The following IGSF10 variants were observed in gnomAD, a reference collection of about 807,000 sequenced individuals.
The protein encoded by IGSF10 is calvaria mechanical force protein 608.
A neutral mutation model predicts 128.2 loss-of-function variants in IGSF10; 126 were observed. The ratio of observed to expected loss-of-function variants is 0.98; its 90% CI spans 0.85 to 1.14. IGSF10 has a LOEUF of 1.14. Among genes scored for constraint, IGSF10 ranks in the 50% most tolerant of loss-of-function variants. The pLI, the probability that IGSF10 is intolerant of heterozygous loss-of-function variation, is 0.00. For missense variants in IGSF10, 3,295 were observed against 3,149.8 expected, an observed-to-expected ratio of 1.05 and a Z score of -1.10; for synonymous variants, 1,185 against 1,146.2, an observed-to-expected ratio of 1.03 and a Z score of -0.68.
chr3:151,452,347 T>C (rs141015129), intron 5 of IGSF10, among the ~76,000 whole-genome samples: 1 of 152,358 alleles, frequency 6.6e-6, no homozygotes, highest in East Asian at 1.9e-4. Flanking sequence ...TAAAGCCTAC[T>C]GCTCCTAGGC....
At chr3:151,515,429 T>G in the IGSF10 span, among the ~76,000 whole-genome samples, 186 of 121,234 alleles carry the variant, frequency 1.5e-3, 2 homozygotes, top group African/African-American at 5.6e-3. Flanking sequence ...TGAGAACACA[T>G]GGACACAGGA....
intron 7 of IGSF10, among the ~76,000 whole-genome samples, chr3:151,438,863 T>TAG (rs139777315): frequency 0.2 from 26,836 of 131,030 alleles, 2,735 homozygotes; most frequent in Middle Eastern, 0.31. Context: ...TATATATATA[T>TAG]ATAGAGAGAG....
chr3:151,573,336 T>A, the IGSF10 span, among the ~76,000 whole-genome samples: 1 of 152,192 alleles, frequency 6.6e-6, no homozygotes, highest in Non-Finnish European at 1.5e-5. Context: ...GGTATTAAAG[T>A]CTCGCATTAT....
Position 151,446,135 on chromosome 3 carries a change from A to T in IGSF10, c.3846T>A (p.Ser1282Arg). 1 of 1,614,130 alleles carries T rather than the reference A, an allele frequency of 6.2e-7. No individual in the cohort carries two copies. Among genetic ancestry groups the T allele is most frequent in the Non-Finnish European group, 8.5e-7 (1 of 1,180,026 alleles). The change falls in exon 6 of 8, where the codon AGT (serine) becomes AGA (arginine). Residue 1282 changes from serine (S) to arginine (R), a missense_variant. By Grantham distance (110) the Ser-to-Arg change is moderately radical. Transcript: ENST00000282466. The part of the protein sequence containing the change: ...HTTTKTHNPG[S>R]LPTKKELPFP... ...AGGGAAGCTCCTTCTTTGTTGGAAGACTTCCAGGATTGTGTGTTTTGGTCG... is the reference window on the plus strand; with the variant it reads ...AGGGAAGCTCCTTCTTTGTTGGAAGTCTTCCAGGATTGTGTGTTTTGGTCG...
Position 151,447,092 on chromosome 3 carries a change from T to C in IGSF10, c.2889A>G (p.Glu963=), listed in dbSNP as rs1285929289. ...GAGAATAGAAGTGATTGTGCCTGGG[T>C]TCACTCACTTCTCTTACAGATGTCT... is the stretch of plus-strand genomic sequence containing the variant. ...SHQTSVREVS[E]PRHNHFYSHT... The change falls in exon 6 of 8, where the codon GAA becomes GAG. Residue 963 remains glutamate (E), a synonymous_variant. Transcript: ENST00000282466. 2 of 1,614,182 alleles carry C rather than the reference T, an allele frequency of 1.2e-6. No homozygotes were observed. Among genetic ancestry groups the C allele is most frequent in the Non-Finnish European group, 1.7e-6 (2 of 1,180,028 alleles).
chr3:151,440,845 T>C (rs1359895879), intron 7 of IGSF10: 1 of 292,950 alleles, frequency 3.4e-6, no homozygotes, highest in Non-Finnish European at 7.0e-6. Flanking sequence ...GGGTTCTCAA[T>C]GAAGATCCCT....
In IGSF10 at chr3:151,461,017, C is replaced by G; in HGVS notation, c.-160G>C. On this transcript the variant is annotated 5_prime_UTR_variant, in exon 1 of 8. Transcript: ENST00000282466. ...CCGGGCTCGGTCCCGGGCTCAGCTG[C>G]TGGGGTCGTGCGGAGCTGGTCCGGA... The G allele has an allele frequency of 1.0e-6, 1 of 985,348 alleles. No homozygotes were observed. 61.0% of individuals were successfully genotyped at this position (985,348 alleles called of 1,614,324 possible).
chr3:151,503,567 G>C, the IGSF10 span, among the ~76,000 whole-genome samples: 2 of 145,284 alleles, frequency 1.4e-5, no homozygotes, highest in African/African-American at 5.4e-5. Context: ...ATGCAGCATA[G>C]AGAGACAAAA....
chr3:151,560,639 A>G, the IGSF10 span, among the ~76,000 whole-genome samples: 1 of 152,250 alleles, frequency 6.6e-6, no homozygotes. Flanking sequence ...ATTTATAAAC[A>G]CAAACTAATA....
chr3:151,449,015 A>ATCTG lies in IGSF10; in HGVS notation c.962_965dup (p.Gln323ArgfsTer6). ...CCATGTTAGCTTCATTTCCAGACTG[A>ATCTG]TCTGTCATATTCAAAGTGAGGGAGC... On this transcript the variant is annotated frameshift_variant, in exon 6 of 8. Coordinates refer to ENST00000282466, the MANE Select transcript of IGSF10 (RefSeq NM_178822.5). LOFTEE classifies it high-confidence loss of function. The ATCTG allele has an allele frequency of 1.9e-6, 3 of 1,614,226 alleles. No homozygotes were observed. Among genetic ancestry groups the ATCTG allele is most frequent in the Non-Finnish European group, 2.5e-6 (3 of 1,180,032 alleles).
intron 2 of IGSF10, 72 bp from the exon 3 acceptor site, chr3:151,458,782 C>T: frequency 8.0e-7 from 1 of 1,256,538 alleles, no homozygotes. Context: ...CACACTCACT[C>T]TGGGAATCTG....
At chr3:151,455,383 G>T in intron 4 of IGSF10, among the ~76,000 whole-genome samples, 1 of 151,990 alleles carries the variant, frequency 6.6e-6, no homozygotes, top group Non-Finnish European at 1.5e-5. Context: ...AAAGTTCTGG[G>T]GTTACAGGTG....
chr3:151,495,030 C>G, the IGSF10 span, among the ~76,000 whole-genome samples: 1 of 152,228 alleles, frequency 6.6e-6, no homozygotes, highest in African/African-American at 2.4e-5. Flanking sequence ...TGAACATTCT[C>G]CTGGTCTGGT....
At chr3:151,479,464 C>A in the IGSF10 span, among the ~76,000 whole-genome samples, 5 of 151,764 alleles carry the variant, frequency 3.3e-5, no homozygotes, top group Non-Finnish European at 7.4e-5. Context: ...TTTAATATTT[C>A]TTTGATGGAC....
chr3:151,546,096 T>C, the IGSF10 span, among the ~76,000 whole-genome samples: 1 of 150,644 alleles, frequency 6.6e-6, no homozygotes, highest in Non-Finnish European at 1.5e-5. Flanking sequence ...CAGAAAGATA[T>C]TGCTGAACCC....
In IGSF10 at chr3:151,437,651, TCA is replaced by T. The variant is rs1337376333; in HGVS notation, c.6908_6909del (p.Val2303GlufsTer15). 3.1e-6 allele frequency: 5 copies of T among 1,614,078 alleles called. No individual in the cohort carries two copies. The highest frequency in any genetic ancestry group is 4.2e-6 in the Non-Finnish European group (5 of 1,180,038). On this transcript the variant is annotated frameshift_variant, in exon 8 of 8. Coordinates refer to ENST00000282466, the MANE Select transcript of IGSF10 (RefSeq NM_178822.5). LOFTEE classifies it low-confidence loss of function (END_TRUNC). ...ATAAAGTCGGCTGAATCTGAAAGCC[TCA>T]CATTCCTAATTTCCAAGGTTCCATT... The part of the protein sequence containing the change: ...HKNGTLEIRN[V>X]RLSDSADFIC...
chr3:151,527,076 A>G, the IGSF10 span, among the ~76,000 whole-genome samples: 1 of 152,100 alleles, frequency 6.6e-6, no homozygotes, highest in Non-Finnish European at 1.5e-5. Context: ...GTAGAAAAAA[A>G]TTTTTTTCCC....
At chr3:151,597,033 G>T in the IGSF10 span, among the ~76,000 whole-genome samples, 2 of 151,774 alleles carry the variant, frequency 1.3e-5, no homozygotes, top group African/African-American at 4.8e-5. Context: ...TAAATAAATA[G>T]ATTGAAGCTG....
chr3:151,494,222 A>C, the IGSF10 span, among the ~76,000 whole-genome samples: 1 of 152,068 alleles, frequency 6.6e-6, no homozygotes, highest in Admixed American at 6.6e-5. Flanking sequence ...GATTAACATA[A>C]ATACTCCTTT....
Sources: allele counts gnomAD v4.1 joint callset (sites outside exome capture counted in the v4.1 genomes callset), GRCh38; gene constraint gnomAD v4.1.1; transcripts MANE v1.5; gene names NCBI Gene and HGNC (gene_info 2026-07-23, HGNC 2026-07-21).